The following TNFAIP8L3 variants were observed in gnomAD, a reference collection of about 807,000 sequenced individuals.
TNFAIP8L3 encodes the protein TNF alpha induced protein 8 like 3.
Under a neutral mutation model 11.8 loss-of-function variants are expected in TNFAIP8L3, and 7 were observed. That is an observed-to-expected ratio of 0.59 (90% CI 0.34 to 1.11). The LOEUF is 1.11. Ranked by LOEUF, TNFAIP8L3 falls within the 50% of genes most tolerant of loss-of-function variation. The pLI is 0.03. For synonymous variants in TNFAIP8L3, 98 were observed against 103.8 expected (o/e 0.94, Z 0.34); for missense variants, 219 against 258.6 (o/e 0.85, Z 1.05).
At chr15:51,100,331 G>A (rs2065541440) in intron 1 of TNFAIP8L3, among the ~76,000 whole-genome samples, 1 of 152,116 alleles carries the variant, frequency 6.6e-6, no homozygotes, top group Non-Finnish European at 1.5e-5. Flanking sequence ...TACCTAGGAA[G>A]GAGGTATCCA....
At chr15:51,086,026 A>G (rs1238016684) in intron 1 of TNFAIP8L3, among the ~76,000 whole-genome samples, 1 of 152,128 alleles carries the variant, frequency 6.6e-6, no homozygotes, top group African/African-American at 2.4e-5. Flanking sequence ...TCTTTTCACT[A>G]TGTTGCACTC....
intron 1 of TNFAIP8L3, among the ~76,000 whole-genome samples, chr15:51,091,916 A>T (rs547069056): frequency 6.6e-6 from 1 of 152,214 alleles, no homozygotes; most frequent in Non-Finnish European, 1.5e-5. Context: ...TAATCAAAAT[A>T]ACAGCTACCA....
chr15:51,080,370 T>C (rs558813975), intron 1 of TNFAIP8L3, among the ~76,000 whole-genome samples: 1 of 152,354 alleles, frequency 6.6e-6, no homozygotes, highest in South Asian at 2.1e-4. Flanking sequence ...TAGAAAGTTC[T>C]TCTCAATAGG....
intron 1 of TNFAIP8L3, among the ~76,000 whole-genome samples, chr15:51,073,494 T>C (rs2065327094): frequency 6.6e-6 from 1 of 152,264 alleles, no homozygotes; most frequent in Non-Finnish European, 1.5e-5. Context: ...TTACAGTTTC[T>C]AAATGGTTAT....
chr15:51,103,087 A>C (rs1342429337), intron 1 of TNFAIP8L3, among the ~76,000 whole-genome samples: 1 of 150,116 alleles, frequency 6.7e-6, no homozygotes, highest in African/African-American at 2.5e-5. Flanking sequence ...CCTCTCTTCT[A>C]TCTATCCAAC....
intron 1 of TNFAIP8L3, among the ~76,000 whole-genome samples, chr15:51,103,321 C>A (rs1489291040): frequency 6.6e-6 from 1 of 152,254 alleles, no homozygotes; most frequent in Non-Finnish European, 1.5e-5. Flanking sequence ...GGCCTCTTGA[C>A]TGTGCCTGTG....
At chr15:51,090,809 T>C (rs1476339557) in intron 1 of TNFAIP8L3, among the ~76,000 whole-genome samples, 1 of 152,200 alleles carries the variant, frequency 6.6e-6, no homozygotes, top group African/African-American at 2.4e-5. Context: ...AATGCTTTTC[T>C]GCAGCACCGA....
intron 1 of TNFAIP8L3, among the ~76,000 whole-genome samples, chr15:51,076,717 G>A (rs1019767729): frequency 4.6e-5 from 7 of 152,140 alleles, no homozygotes; most frequent in Non-Finnish European, 8.8e-5. Context: ...AGCAGGAAGT[G>A]GAAGACAGAG....
intron 1 of TNFAIP8L3, among the ~76,000 whole-genome samples, chr15:51,087,163 C>T (rs1227656633): frequency 6.6e-6 from 1 of 152,216 alleles, no homozygotes; most frequent in African/African-American, 2.4e-5. Context: ...CCACTGCACC[C>T]AGCTCACAAT....
intron 1 of TNFAIP8L3, among the ~76,000 whole-genome samples, chr15:51,063,894 G>A (rs2065254469): frequency 6.6e-6 from 1 of 152,196 alleles, no homozygotes. Context: ...GGTTTCTAAA[G>A]TCATGGATAT....
chr15:51,069,505 T>G (rs1226995243), intron 1 of TNFAIP8L3: 1 of 152,192 alleles, frequency 6.6e-6, no homozygotes, highest in East Asian at 1.9e-4. Flanking sequence ...TCCTGGGTCT[T>G]GAAGAGAAGA....
At chr15:51,096,712 A>C (rs1422279928), upstream of TNFAIP8L3, among the ~76,000 whole-genome samples, 1 of 152,024 alleles carries the variant, frequency 6.6e-6, no homozygotes, top group Non-Finnish European at 1.5e-5. Flanking sequence ...ACCAACATGG[A>C]GAAACTCTGT....
intron 1 of TNFAIP8L3, among the ~76,000 whole-genome samples, chr15:51,065,934 A>T (rs559596178): frequency 6.6e-6 from 1 of 152,226 alleles, no homozygotes; most frequent in African/African-American, 2.4e-5. Flanking sequence ...AATGGGCATC[A>T]TTTGTCAAGG....
At chr15:51,073,921 A>G (rs1317269627) in intron 1 of TNFAIP8L3, among the ~76,000 whole-genome samples, 1 of 152,218 alleles carries the variant, frequency 6.6e-6, no homozygotes, top group Non-Finnish European at 1.5e-5. Context: ...ATCCACTGAG[A>G]TGATCATATA....
chr15:51,094,169 C>G lies in TNFAIP8L3; in HGVS notation c.52+375G>C, dbSNP rs1384859193. On this transcript the variant is annotated intron_variant, in intron 1 of 1. Coordinates refer to ENST00000637513, the MANE Select transcript of TNFAIP8L3 (RefSeq NM_001311175.2). This position sits in a 1 kb window ranked among gnomAD's most constrained non-coding sequence, Gnocchi z 4.4. ...TGCGCCGCAGCGCAGTCCCGGCGCC[C>G]CAGGTTCGAGGACCCGGCCCGCGCT... Among the ~76,000 whole-genome samples the G allele has an allele frequency of 2.6e-5, 4 of 152,208 alleles. No homozygotes were observed. The highest frequency in any genetic ancestry group is 2.0e-4 in the Admixed American group (3 of 15,288).
At chr15:51,072,381 C>T (rs2065315548) in intron 1 of TNFAIP8L3, among the ~76,000 whole-genome samples, 1 of 152,182 alleles carries the variant, frequency 6.6e-6, no homozygotes. Flanking sequence ...CTCAAGTGAT[C>T]TGCCTCCTCT....
intron 1 of TNFAIP8L3, among the ~76,000 whole-genome samples, chr15:51,085,190 TA>T (rs35745049): frequency 1.3e-3 from 196 of 147,392 alleles, no homozygotes; most frequent in East Asian, 3.3e-3. Flanking sequence ...TTCTTTACAA[TA>T]AAAAAAAAAA....
chr15:51,068,603 G>A (rs1029574609), intron 1 of TNFAIP8L3, among the ~76,000 whole-genome samples: 3 of 150,420 alleles, frequency 2.0e-5, no homozygotes, highest in Non-Finnish European at 4.4e-5. Flanking sequence ...GAGCCACACT[G>A]TATCTCTCTT....
chr15:51,102,982 C>A (rs943621326), intron 1 of TNFAIP8L3, among the ~76,000 whole-genome samples: 1 of 152,078 alleles, frequency 6.6e-6, no homozygotes, highest in African/African-American at 2.4e-5. Flanking sequence ...CAAAGACTCT[C>A]TCCCCTCTCC....
Sources: gnomAD v4.1 joint callset for allele counts (sites outside exome capture counted in the v4.1 genomes callset) on GRCh38, gnomAD v4.1.1 for gene constraint, Gnocchi (gnomAD v3.1) non-coding constraint, MANE v1.5 for transcripts, NCBI Gene and HGNC (gene_info 2026-07-23, HGNC 2026-07-21) for gene names.